The following DDX6 variants were observed in gnomAD, a reference collection of about 807,000 sequenced individuals.
The protein encoded by DDX6 is DEAD-box helicase 6, also known as probable ATP-dependent RNA helicase DDX6.
In DDX6, 7 loss-of-function variants were observed where a neutral mutation model predicts 60.6. The ratio of observed to expected loss-of-function variants is 0.12; its 90% CI spans 0.07 to 0.22. DDX6 has a LOEUF of 0.22. Among genes scored for constraint, DDX6 ranks in the 10% least tolerant of loss-of-function variants. DDX6 has a pLI of 1.00. For missense variants in DDX6, 270 were observed against 589.9 expected (o/e 0.46, Z 5.62); for synonymous variants, 207 against 201.0 (o/e 1.03, Z -0.25).
intron 13 of DDX6, among the ~76,000 whole-genome samples, chr11:118,754,038 C>T (rs536285667): frequency 2.0e-5 from 3 of 152,272 alleles, no homozygotes; most frequent in South Asian, 2.1e-4. Flanking sequence ...GCAGAGGTTG[C>T]AGTGGGCCGT....
chr11:118,772,610 T>G (rs1282520727), intron 4 of DDX6, among the ~76,000 whole-genome samples: 2 of 152,174 alleles, frequency 1.3e-5, no homozygotes, highest in African/African-American at 4.8e-5. Context: ...AGCATTAAAT[T>G]GTATACTTTT....
At chr11:118,759,387 C>CA (rs1247499144) in intron 8 of DDX6, 5 of 154,110 alleles carry the variant, frequency 3.2e-5, no homozygotes, top group African/African-American at 9.7e-5. Context: ...TATAAGATCT[C>CA]AAAAATGCAG....
chr11:118,787,844 T>C (rs531739500), intron 1 of DDX6: 1 of 152,048 alleles, frequency 6.6e-6, no homozygotes, highest in Admixed American at 6.6e-5. Context: ...CTCTAATAAT[T>C]TTATTCATTT....
intron 4 of DDX6, among the ~76,000 whole-genome samples, chr11:118,774,147 G>C (rs1457241829): frequency 6.6e-6 from 1 of 152,082 alleles, no homozygotes; most frequent in African/African-American, 2.4e-5. Context: ...TCTTCAAGAG[G>C]TGTTCCCAGG....
chr11:118,761,196 A>G (rs915670756), intron 7 of DDX6, among the ~76,000 whole-genome samples: 1 of 152,184 alleles, frequency 6.6e-6, no homozygotes, highest in Non-Finnish European at 1.5e-5. Context: ...TGCCTCCTTC[A>G]TTTCTCAGCT....
At chr11:118,781,592 T>G (rs1861902051) in intron 2 of DDX6, among the ~76,000 whole-genome samples, 1 of 152,112 alleles carries the variant, frequency 6.6e-6, no homozygotes, top group African/African-American at 2.4e-5. Flanking sequence ...AGTGATAGGA[T>G]TATAGGTGTG....
Position 118,751,510 on chromosome 11 carries a change from G to A in DDX6, c.*595C>T, listed in dbSNP as rs1860768362. 6.5e-6 allele frequency: 1 copy of A among 153,016 alleles called. No individual in the cohort carries two copies. Among genetic ancestry groups the A allele is most frequent in the South Asian group, 2.0e-4 (1 of 4,970 alleles). 9.5% of individuals were successfully genotyped at this position (153,016 alleles called of 1,614,324 possible). A position where few individuals can be genotyped will look rare whatever the true frequency, so the allele number is the denominator to read the frequency against. On this transcript the variant is annotated 3_prime_UTR_variant, in exon 14 of 14. Transcript: ENST00000534980. ...GCTCGAGTACTGGGTAGAAAGGGAA[G>A]AGACTTCAACCTGAAACCAAAATAA...
intron 4 of DDX6, among the ~76,000 whole-genome samples, chr11:118,774,238 C>T (rs1235451335): frequency 6.6e-6 from 1 of 152,058 alleles, no homozygotes; most frequent in African/African-American, 2.4e-5. Flanking sequence ...GCTAAGCAGA[C>T]AAAAACAGTA....
intron 2 of DDX6, among the ~76,000 whole-genome samples, chr11:118,784,147 T>C (rs1861997103): frequency 6.6e-6 from 1 of 151,792 alleles, no homozygotes; most frequent in Non-Finnish European, 1.5e-5. Flanking sequence ...GCTAACCTAC[T>C]TACATTCTGC....
At chr11:118,779,132 G>A (rs553036590) in intron 4 of DDX6, among the ~76,000 whole-genome samples, 1 of 145,712 alleles carries the variant, frequency 6.9e-6, no homozygotes, top group South Asian at 2.2e-4. Flanking sequence ...CTCCAGCCTG[G>A]GTGACAGGGC....
chr11:118,756,061 AGAGT>A (rs1555158838), intron 11 of DDX6, among the ~76,000 whole-genome samples, 195 bp downstream of exon 11: 2 of 129,412 alleles, frequency 1.5e-5, no homozygotes, highest in Non-Finnish European at 1.6e-5. Context: ...TATGAGTGCC[AGAGT>A]AAGTCTTCTA....
At chr11:118,774,676 G>T (rs940593900) in intron 4 of DDX6, among the ~76,000 whole-genome samples, 5 of 151,804 alleles carry the variant, frequency 3.3e-5, no homozygotes, top group Admixed American at 3.3e-4. Flanking sequence ...CACCCACCTT[G>T]GCTTCCCAAA....
Position 118,751,915 on chromosome 11 carries a change from C to CA in DDX6, c.*189dup, listed in dbSNP as rs781924939. ...CAGCACACAGTGCAAACAAGTGGAACAAAAAAGGTATATTCCTTCTTTTCA... is the reference window on the plus strand; with the variant it reads ...CAGCACACAGTGCAAACAAGTGGAACAAAAAAAGGTATATTCCTTCTTTTCA... On this transcript the variant is annotated 3_prime_UTR_variant, in exon 14 of 14. Coordinates refer to ENST00000534980, the MANE Select transcript of DDX6 (RefSeq NM_004397.6). 4.7e-5 allele frequency: 20 copies of CA among 429,814 alleles called. No individual in the cohort carries two copies. The highest frequency in any genetic ancestry group is 3.4e-4 in the South Asian group (20 of 58,646). 26.6% of individuals were successfully genotyped at this position (429,814 alleles called of 1,614,324 possible). A position where few individuals can be genotyped will look rare whatever the true frequency, so the allele number is the denominator to read the frequency against.
chr11:118,785,817 AT>A (rs796154737), intron 2 of DDX6: 15 of 387,014 alleles, frequency 3.9e-5, no homozygotes, highest in African/African-American at 2.9e-4. Flanking sequence ...TCCAAAAACC[AT>A]TTATACAAAA....
At chr11:118,756,369 C>A (rs1555158943) in intron 10 of DDX6, 46 bp from the exon 11 acceptor site, 2 of 1,398,328 alleles carry the variant, frequency 1.4e-6, no homozygotes. Context: ...TCATATACAG[C>A]CCCAAATTTC....
chr11:118,766,578 T>C (rs975534398), intron 5 of DDX6, among the ~76,000 whole-genome samples: 2 of 152,188 alleles, frequency 1.3e-5, no homozygotes, highest in Non-Finnish European at 1.5e-5. Context: ...AATACTATTA[T>C]ATAAATATTA....
Position 118,781,155 on chromosome 11 carries a change from T to A in DDX6, c.230A>T (p.Lys77Ile). The change falls in exon 3 of 14, where the codon AAA becomes ATA. Residue 77 changes from lysine (K) to isoleucine (I), a missense_variant. By Grantham distance (102) the Lys-to-Ile change is moderately radical. Transcript: ENST00000534980. Reference sequence around the variant, plus strand: ...GATTCTTAGATCCTTTGGAGGGAGTTTTAAAGTCTTTTTCCAGTCATCACC... The same window carrying A: ...GATTCTTAGATCCTTTGGAGGGAGTATTAAAGTCTTTTTCCAGTCATCACC... ...KPGDDWKKTLKLPPKDLRIKT... is the reference protein window; with the variant it reads ...KPGDDWKKTLILPPKDLRIKT... 1 of 1,606,520 alleles carries A rather than the reference T, an allele frequency of 6.2e-7. No homozygotes were observed. The highest frequency in any genetic ancestry group is 8.5e-7 in the Non-Finnish European group (1 of 1,175,588).
At chr11:118,761,284 T>C (rs1861156442) in intron 7 of DDX6, among the ~76,000 whole-genome samples, 1 of 152,190 alleles carries the variant, frequency 6.6e-6, no homozygotes. Context: ...AATTTGGATG[T>C]TTACATAATG....
intron 5 of DDX6, 107 bp from the exon 6 acceptor site, chr11:118,765,462 A>C: frequency 8.5e-7 from 1 of 1,179,692 alleles, no homozygotes; most frequent in Non-Finnish European, 1.2e-6. Context: ...ACTGCGCCTT[A>C]TGATGCAGTG....
Sources: gnomAD v4.1 joint callset for allele counts (sites outside exome capture counted in the v4.1 genomes callset) on GRCh38, gnomAD v4.1.1 for gene constraint, MANE v1.5 for transcripts, NCBI Gene and HGNC (gene_info 2026-07-23, HGNC 2026-07-21) for gene names.